Variants in IQUB observed in about 807,000 individuals in gnomAD.
The protein encoded by IQUB is IQ motif and ubiquitin-like domain-containing protein.
Under a neutral mutation model 86.4 loss-of-function variants are expected in IQUB, and 86 were observed. The observed-to-expected ratio is 1.00, with a 90% confidence interval of 0.84 to 1.19. The LOEUF (loss-of-function observed/expected upper bound fraction) is 1.19. Ranked by LOEUF, IQUB falls within the 50% of genes most tolerant of loss-of-function variation. The pLI, the probability that IQUB is intolerant of heterozygous loss-of-function variation, is 0.00. For missense variants in IQUB, 946 were observed against 916.9 expected (o/e 1.03, Z -0.41); for synonymous variants, 289 against 304.5 (o/e 0.95, Z 0.53).
intron 7 of IQUB, among the ~76,000 whole-genome samples, chr7:123,490,391 A>C (rs947357272): frequency 6.6e-6 from 1 of 152,210 alleles, no homozygotes; most frequent in Non-Finnish European, 1.5e-5. Flanking sequence ...TTCACAATAC[A>C]TGAAGCAAAA....
At chr7:123,453,144 T>C (rs1312979740) in intron 12 of IQUB, among the ~76,000 whole-genome samples, 1 of 151,646 alleles carries the variant, frequency 6.6e-6, no homozygotes, top group Non-Finnish European at 1.5e-5. Context: ...TTTAAACCAC[T>C]GCTAGTTATC....
chr7:123,453,048 C>A, intron 12 of IQUB, 123 bp from the exon 13 acceptor site: 1 of 702,698 alleles, frequency 1.4e-6, no homozygotes, highest in South Asian at 2.1e-5. Flanking sequence ...TTATTTTTCT[C>A]ACGTTGTCTA....
intron 8 of IQUB, among the ~76,000 whole-genome samples, chr7:123,479,564 C>G (rs1216645997): frequency 6.6e-6 from 1 of 152,018 alleles, no homozygotes; most frequent in Non-Finnish European, 1.5e-5. Context: ...GGCCAATCCC[C>G]TTAATTAAGA....
At chr7:123,459,226 C>A (rs1793867011) in intron 11 of IQUB, among the ~76,000 whole-genome samples, 3 of 151,802 alleles carry the variant, frequency 2.0e-5, no homozygotes, top group Non-Finnish European at 4.4e-5. Context: ...ACAATGCTCC[C>A]CTAGAATTTT....
At chr7:123,515,924 A>G (rs1796615513) in intron 1 of IQUB, among the ~76,000 whole-genome samples, 2 of 152,226 alleles carry the variant, frequency 1.3e-5, no homozygotes, top group Admixed American at 6.5e-5. Context: ...GGTAAAGATA[A>G]GAGTTGATTA....
rs1023511452 is a variant in IQUB, at chr7:123,453,696, C to A, written c.2194-771G>T. On this transcript the variant is annotated intron_variant, in intron 12 of 12. Transcript: ENST00000324698. ...AGCCACCATACTAGCCCCAAACTGC[C>A]AACCTTTGAACTTTCTTGTTACATA... Among the ~76,000 whole-genome samples the A allele has an allele frequency of 6.2e-4, 94 of 152,028 alleles. 1 individual carries two copies. The highest frequency in any genetic ancestry group is 2.2e-3 in the African/African-American group (91 of 41,436).
At chr7:123,501,250 G>A (rs765531963) in intron 6 of IQUB, 1 of 152,260 alleles carries the variant, frequency 6.6e-6, no homozygotes, top group Non-Finnish European at 1.5e-5. Context: ...CTCATGATGA[G>A]CTTAATGGAG....
At chr7:123,495,973 GA>G (rs1287234360) in intron 7 of IQUB, among the ~76,000 whole-genome samples, 2 of 152,098 alleles carry the variant, frequency 1.3e-5, no homozygotes, top group African/African-American at 4.8e-5. Flanking sequence ...TGATAAAAAT[GA>G]AAAGTTTCAG....
intron 9 of IQUB, among the ~76,000 whole-genome samples, chr7:123,465,661 A>C (rs1289366135): frequency 6.6e-6 from 1 of 152,086 alleles, no homozygotes; most frequent in African/African-American, 2.4e-5. Context: ...ACTGGAAGAT[A>C]CACAGCTTGA....
intron 3 of IQUB, among the ~76,000 whole-genome samples, chr7:123,507,817 G>A (rs1796249160): frequency 6.6e-6 from 1 of 150,618 alleles, no homozygotes; most frequent in Non-Finnish European, 1.5e-5. Context: ...AGGTTGCAGT[G>A]AGCGAGATCG....
At chr7:123,531,834 T>C (rs542353370) in intron 1 of IQUB, among the ~76,000 whole-genome samples, 2 of 152,352 alleles carry the variant, frequency 1.3e-5, no homozygotes, top group South Asian at 4.1e-4. Flanking sequence ...AATGTGTAAA[T>C]CTTCACCACT....
At chr7:123,517,403 C>G (rs912103518) in intron 1 of IQUB, among the ~76,000 whole-genome samples, 7 of 151,384 alleles carry the variant, frequency 4.6e-5, no homozygotes, top group Non-Finnish European at 8.8e-5. Context: ...TTGTGGCAGG[C>G]GCCTGTAGTC....
At chr7:123,473,452 C>T (rs1794619739) in intron 8 of IQUB, among the ~76,000 whole-genome samples, 1 of 152,216 alleles carries the variant, frequency 6.6e-6, no homozygotes, top group Admixed American at 6.5e-5. Context: ...CAAATGGTCT[C>T]TACAGAGTTT....
intron 3 of IQUB, among the ~76,000 whole-genome samples, chr7:123,507,777 G>A (rs1796247487): frequency 6.6e-6 from 1 of 151,768 alleles, no homozygotes; most frequent in Non-Finnish European, 1.5e-5. Flanking sequence ...GGAGGCTAAG[G>A]CAGGAGAATC....
At chr7:123,518,610 T>A (rs1796758773) in intron 1 of IQUB, among the ~76,000 whole-genome samples, 1 of 152,142 alleles carries the variant, frequency 6.6e-6, no homozygotes, top group African/African-American at 2.4e-5. Context: ...CTACAAACAT[T>A]TTTTGAGGTA....
intron 7 of IQUB, among the ~76,000 whole-genome samples, chr7:123,485,713 C>G (rs1795190193): frequency 6.6e-6 from 1 of 152,088 alleles, no homozygotes; most frequent in Non-Finnish European, 1.5e-5. Context: ...GCAGAACATA[C>G]AATATTTTGT....
chr7:123,523,102 A>G (rs1160212436), intron 1 of IQUB, among the ~76,000 whole-genome samples: 1 of 151,562 alleles, frequency 6.6e-6, no homozygotes, highest in Non-Finnish European at 1.5e-5. Context: ...CCAGTCTATC[A>G]TTGTTGGACA....
chr7:123,486,825 G>C (rs1207593498), intron 7 of IQUB, among the ~76,000 whole-genome samples: 2 of 152,126 alleles, frequency 1.3e-5, no homozygotes, highest in African/African-American at 4.8e-5. Flanking sequence ...CTTTGGAGTA[G>C]TCCTTAGGAT....
At chr7:123,474,739 T>C (rs1466510887) in intron 8 of IQUB, among the ~76,000 whole-genome samples, 1 of 152,206 alleles carries the variant, frequency 6.6e-6, no homozygotes, top group Non-Finnish European at 1.5e-5. Context: ...CATATTGTGG[T>C]GTGTTCTTCC....
Sources: gnomAD v4.1 joint callset for allele counts (sites outside exome capture counted in the v4.1 genomes callset) on GRCh38, gnomAD v4.1.1 for gene constraint, MANE v1.5 for transcripts, NCBI Gene and HGNC (gene_info 2026-07-23, HGNC 2026-07-21) for gene names.